Variants in CHST11 observed in about 807,000 individuals in gnomAD.
CHST11 encodes the protein C4S-1.
In CHST11, 9 loss-of-function variants were observed where a neutral mutation model predicts 30.4. The ratio of observed to expected loss-of-function variants is 0.30; its 90% CI spans 0.18 to 0.52. The LOEUF (loss-of-function observed/expected upper bound fraction) is 0.52, where lower values mean the gene tolerates loss of function less well. Among genes scored for constraint, CHST11 ranks in the 20% least tolerant of loss-of-function variants. The pLI is 0.97. For synonymous variants in CHST11, 152 were observed against 187.8 expected, an observed-to-expected ratio of 0.81 and a Z score of 1.56; for missense variants, 348 against 460.6, an observed-to-expected ratio of 0.76 and a Z score of 2.24.
chr12:104,526,700 T>G (rs993317777), intron 1 of CHST11, among the ~76,000 whole-genome samples: 2 of 152,174 alleles, frequency 1.3e-5, no homozygotes, highest in Non-Finnish European at 2.9e-5. Flanking sequence ...TGTTTTTATT[T>G]GTGCTCCTCA....
chr12:104,580,205 G>A (rs765157604), intron 1 of CHST11, among the ~76,000 whole-genome samples: 1 of 152,162 alleles, frequency 6.6e-6, no homozygotes, highest in Non-Finnish European at 1.5e-5. Flanking sequence ...TGTGGTTTTT[G>A]TTTACAAGAA....
chr12:104,488,415 ATG>A (rs1225304406), intron 1 of CHST11, among the ~76,000 whole-genome samples: 1 of 134,470 alleles, frequency 7.4e-6, no homozygotes, highest in Non-Finnish European at 1.6e-5. Context: ...AGGTATGTGT[ATG>A]TGTCTATGTA....
At chr12:104,650,194 A>G (rs1174991548) in intron 2 of CHST11, among the ~76,000 whole-genome samples, 2 of 152,330 alleles carry the variant, frequency 1.3e-5, no homozygotes, top group Admixed American at 6.5e-5. Flanking sequence ...TCTCTGGTCT[A>G]TATCCTTTGG....
chr12:104,743,770 T>A lies in CHST11; in HGVS notation c.205-13179T>A, dbSNP rs143500779. Among the ~76,000 whole-genome samples the A allele has an allele frequency of 9.3e-3, 1,410 of 152,128 alleles. 12 individuals carry two copies. Among genetic ancestry groups the A allele is most frequent in the East Asian group, 0.025 (129 of 5,180 alleles). On this transcript the variant is annotated intron_variant, in intron 2 of 2. Coordinates refer to ENST00000303694, the MANE Select transcript of CHST11 (RefSeq NM_018413.6). ...CCTGATCTTCTCCCTCCTCCCACCT[T>A]CCACCCTCCAAAAGGCCCCACTGAG...
intron 2 of CHST11, among the ~76,000 whole-genome samples, chr12:104,633,513 CA>C (rs1225411539): frequency 6.3e-5 from 9 of 143,716 alleles, no homozygotes; most frequent in Non-Finnish European, 9.0e-5. Context: ...CTCTTGGGTT[CA>C]GGCAATTCTC....
intron 2 of CHST11, among the ~76,000 whole-genome samples, chr12:104,754,710 G>C (rs956997198): frequency 1.3e-5 from 2 of 152,162 alleles, no homozygotes; most frequent in Non-Finnish European, 2.9e-5. Context: ...CACATCGGGG[G>C]ATACTAGCAA....
intron 1 of CHST11, among the ~76,000 whole-genome samples, chr12:104,521,462 G>A (rs2038073160): frequency 6.6e-6 from 1 of 152,184 alleles, no homozygotes; most frequent in Non-Finnish European, 1.5e-5. Context: ...ATTCAAAGAT[G>A]ATGTCGTTTT....
intron 2 of CHST11, among the ~76,000 whole-genome samples, chr12:104,643,368 G>C (rs2039396251): frequency 6.6e-6 from 1 of 152,138 alleles, no homozygotes; most frequent in African/African-American, 2.4e-5. Context: ...CCTTGTTGTT[G>C]CTCCTCACCA....
intron 1 of CHST11, among the ~76,000 whole-genome samples, chr12:104,463,275 A>G (rs1159053374): frequency 6.6e-6 from 1 of 151,940 alleles, no homozygotes; most frequent in Non-Finnish European, 1.5e-5. Flanking sequence ...CATTCTGCTG[A>G]TTCATTTTTT....
chr12:104,670,233 C>A (rs1413332071), intron 2 of CHST11, among the ~76,000 whole-genome samples: 1 of 152,156 alleles, frequency 6.6e-6, no homozygotes, highest in Non-Finnish European at 1.5e-5. Flanking sequence ...CTCCCAACTT[C>A]CTCAGTCCTT....
intron 1 of CHST11, among the ~76,000 whole-genome samples, chr12:104,502,077 G>T (rs1184130332): frequency 2.0e-5 from 3 of 151,558 alleles, no homozygotes; most frequent in African/African-American, 7.3e-5. Context: ...CACCCAGGCT[G>T]GAGTGCAGTG....
chr12:104,651,000 G>GCACA (rs2039484735), intron 2 of CHST11, among the ~76,000 whole-genome samples: 1 of 152,188 alleles, frequency 6.6e-6, no homozygotes, highest in African/African-American at 2.4e-5. Flanking sequence ...GAAGAGCTTA[G>GCACA]CACATAGTAT....
intron 1 of CHST11, among the ~76,000 whole-genome samples, chr12:104,481,669 G>A (rs2037624165): frequency 6.6e-6 from 1 of 151,932 alleles, no homozygotes; most frequent in Non-Finnish European, 1.5e-5. Flanking sequence ...GGGCTTTGGG[G>A]TTTCTGATAC....
At chr12:104,495,546 T>C (rs1175128499) in intron 1 of CHST11, among the ~76,000 whole-genome samples, 1 of 152,198 alleles carries the variant, frequency 6.6e-6, no homozygotes, top group African/African-American at 2.4e-5. Flanking sequence ...GAATATCTTA[T>C]TATGGTTAAA....
Position 104,757,333 on chromosome 12 carries a change from C to T in CHST11, c.589C>T (p.Arg197Cys). The T allele has an allele frequency of 6.2e-7, 1 of 1,614,104 alleles. No individual in the cohort carries two copies. The highest frequency in any genetic ancestry group is 8.5e-7 in the Non-Finnish European group (1 of 1,180,032). Residue 197 changes from arginine to cysteine, a missense_variant, in exon 3 of 3, where the codon CGC becomes TGC. Physicochemically the swap from Arg to Cys is radical, Grantham distance 180. Coordinates refer to ENST00000303694, the MANE Select transcript of CHST11 (RefSeq NM_018413.6). The surrounding 1 kb of genome is among the most constrained non-coding windows in gnomAD (Gnocchi z 6.5). The part of the protein sequence containing the change: ...EPFERLVSAY[R>C]NKFTQKYNIS... ...CTTCGAGAGGCTAGTGTCCGCCTAC[C>T]GCAACAAGTTCACCCAGAAGTACAA...
intron 1 of CHST11, among the ~76,000 whole-genome samples, chr12:104,485,030 G>A (rs1210481200): frequency 6.6e-6 from 1 of 152,324 alleles, no homozygotes; most frequent in East Asian, 1.9e-4. Context: ...GCAGGCTCTA[G>A]TAGGCTGTGG....
At chr12:104,544,766 C>G (rs2038327302) in intron 1 of CHST11, among the ~76,000 whole-genome samples, 1 of 114,466 alleles carries the variant, frequency 8.7e-6, no homozygotes, top group African/African-American at 2.9e-5. Flanking sequence ...CTGGGGGTCA[C>G]AGTCCCCCCA....
rs553152137 is a variant in CHST11 at position 104,633,685 on chromosome 12, G to T, written c.204+31694G>T. ...CTGCCTCGGCCTCCCAAAGTGCTGG[G>T]ATTACAGGCATGAGCCACACCGTGC... On this transcript the variant is annotated intron_variant, in intron 2 of 2. Coordinates refer to ENST00000303694, the MANE Select transcript of CHST11 (RefSeq NM_018413.6). Among the ~76,000 whole-genome samples the T allele has an allele frequency of 4.0e-3, 605 of 152,082 alleles. 5 individuals are homozygous for T. Among genetic ancestry groups the T allele is most frequent in the African/African-American group, 0.014 (571 of 41,476 alleles).
chr12:104,652,778 G>A (rs1423016177), intron 2 of CHST11, among the ~76,000 whole-genome samples: 1 of 152,228 alleles, frequency 6.6e-6, no homozygotes. Context: ...TTTCGATCCT[G>A]ACCTCTGTTT....
Sources: allele counts gnomAD v4.1 joint callset (sites outside exome capture counted in the v4.1 genomes callset), GRCh38; gene constraint gnomAD v4.1.1; non-coding constraint Gnocchi (gnomAD v3.1); transcripts MANE v1.5; gene names NCBI Gene and HGNC (gene_info 2026-07-23, HGNC 2026-07-21).